The following FAM50B variants were observed in gnomAD, a reference collection of about 807,000 sequenced individuals.
The protein encoded by FAM50B is protein FAM50B.
Under a neutral mutation model 25.4 loss-of-function variants are expected in FAM50B, and 9 were observed. That is an observed-to-expected ratio of 0.35 (90% CI 0.21 to 0.62). The LOEUF (loss-of-function observed/expected upper bound fraction) is 0.62, where lower values mean the gene tolerates loss of function less well. Among genes scored for constraint, FAM50B ranks in the 20% least tolerant of loss-of-function variants. FAM50B has a pLI of 0.73. For synonymous variants in FAM50B, 212 were observed against 204.3 expected, an observed-to-expected ratio of 1.04 and a Z score of -0.32; for missense variants, 372 against 477.9, an observed-to-expected ratio of 0.78 and a Z score of 2.07.
At chr6:3,839,407 T>A in the FAM50B span, among the ~76,000 whole-genome samples, 57,119 of 151,812 alleles carry the variant, frequency 0.38, 10,949 homozygotes, top group East Asian at 0.45. Context: ...TTGGGATCCA[T>A]TGTCAACATG....
At chr6:3,846,746 T>A (rs1475978324), upstream of FAM50B, among the ~76,000 whole-genome samples, 16 of 152,368 alleles carry the variant, frequency 1.1e-4, no homozygotes, top group Non-Finnish European at 2.1e-4. Flanking sequence ...TCAATTTACT[T>A]TGCCCAGATC....
upstream of FAM50B, among the ~76,000 whole-genome samples, chr6:3,845,780 T>C (rs1762113238): frequency 6.6e-6 from 1 of 152,214 alleles, no homozygotes; most frequent in Non-Finnish European, 1.5e-5. Flanking sequence ...AGTGGTGCGA[T>C]CTTGGCTCAC....
At chr6:3,836,643 C>T in the FAM50B span, among the ~76,000 whole-genome samples, 1 of 152,188 alleles carries the variant, frequency 6.6e-6, no homozygotes, top group Non-Finnish European at 1.5e-5. Context: ...CGAACTATTA[C>T]ATCTTAGGAA....
chr6:3,837,524 C>T, the FAM50B span, among the ~76,000 whole-genome samples: 2 of 152,104 alleles, frequency 1.3e-5, no homozygotes, highest in African/African-American at 4.8e-5. Context: ...CAGTGAGATG[C>T]CACTACGTAC....
rs781474180 is a variant in FAM50B, at chr6:3,850,180, A to G, written c.369A>G (p.Ala123=). 3 of 1,613,438 alleles carry G rather than the reference A, an allele frequency of 1.9e-6. No individual in the cohort carries two copies. The highest frequency in any genetic ancestry group is 2.2e-5 in the South Asian group (2 of 91,076). The change falls in exon 2 of 2, where the codon GCA becomes GCG. Residue 123 remains alanine (A), a synonymous_variant. Transcript: ENST00000648326. ...RKRKISCLSF[A]LDDLDDQADA... ...GTAAGATCTCCTGCCTGTCCTTTGC[A>G]CTAGACGACCTCGATGACCAGGCCG...
chr6:3,848,433 T>G (rs1048074513), upstream of FAM50B, among the ~76,000 whole-genome samples: 3 of 152,160 alleles, frequency 2.0e-5, no homozygotes, highest in East Asian at 1.9e-4. Flanking sequence ...GTTTCTGGCT[T>G]GGACAATTTG....
chr6:3,836,032 G>A, the FAM50B span, among the ~76,000 whole-genome samples: 17 of 152,268 alleles, frequency 1.1e-4, no homozygotes, highest in Admixed American at 2.0e-4. Flanking sequence ...AGTGTCAGTA[G>A]TATCACAGTG....
At chr6:3,844,274 C>A in the FAM50B span, among the ~76,000 whole-genome samples, 1 of 152,082 alleles carries the variant, frequency 6.6e-6, no homozygotes, top group Non-Finnish European at 1.5e-5. Context: ...TGTATTTAAT[C>A]GGCATTTCTG....
chr6:3,844,136 GTTCT>G, the FAM50B span, among the ~76,000 whole-genome samples: 2 of 152,190 alleles, frequency 1.3e-5, no homozygotes, highest in Middle Eastern at 3.2e-3. Context: ...TGAAAACTAA[GTTCT>G]TTTTCTCTTG....
In FAM50B at chr6:3,850,228, C is replaced by T. The variant is rs989854826; in HGVS notation, c.417C>T (p.Ala139=). The T allele has an allele frequency of 5.6e-6, 9 of 1,613,272 alleles. No homozygotes were observed. The highest frequency in any genetic ancestry group is 7.6e-6 in the Non-Finnish European group (9 of 1,179,844). Residue 139 remains alanine (A), a synonymous_variant, in exon 2 of 2, where the codon GCC becomes GCT. Coordinates refer to ENST00000648326, the MANE Select transcript of FAM50B (RefSeq NM_012135.3). Reference sequence around the variant, plus strand: ...CCGACGCGGCCGAGGCCAGGCGCGCCGGAAACCTGGGCAAGAACCCCGACG... The same window carrying T: ...CCGACGCGGCCGAGGCCAGGCGCGCTGGAAACCTGGGCAAGAACCCCGACG... ...DQADAAEARR[A]GNLGKNPDVD... is the part of the protein sequence containing the mutation.
chr6:3,843,506 AT>A, the FAM50B span, among the ~76,000 whole-genome samples: 1 of 152,354 alleles, frequency 6.6e-6, no homozygotes, highest in African/African-American at 2.4e-5. Flanking sequence ...ATGGTGCAGC[AT>A]TTATTTTGAA....
chr6:3,837,078 TAACTC>T, the FAM50B span, among the ~76,000 whole-genome samples: 1 of 152,180 alleles, frequency 6.6e-6, no homozygotes, highest in African/African-American at 2.4e-5. Flanking sequence ...ATATAAAAAT[TAACTC>T]AAACTGGACC....
At chr6:3,848,032 A>G (rs1056626659), upstream of FAM50B, among the ~76,000 whole-genome samples, 3 of 152,256 alleles carry the variant, frequency 2.0e-5, no homozygotes, top group African/African-American at 7.2e-5. Flanking sequence ...AACAATTACA[A>G]TAACCTCACA....
the FAM50B span, among the ~76,000 whole-genome samples, chr6:3,838,434 G>A: frequency 1.3e-5 from 2 of 152,180 alleles, no homozygotes; most frequent in Non-Finnish European, 1.5e-5. Context: ...AACTGGCCTG[G>A]CATGGTGGCT....
Position 3,849,880 on chromosome 6 carries a change from G to A in FAM50B, c.69G>A (p.Arg23=). ...TGCACCTCCTCAAGAAGCGCGAAAG[G>A]CAGCGGGAGCAGATGGAGGTGCTGA... ...RAMHLLKKRE[R]QREQMEVLKQ... Residue 23 remains arginine, a synonymous_variant, in exon 2 of 2, where the codon AGG becomes AGA. Coordinates refer to ENST00000648326, the MANE Select transcript of FAM50B (RefSeq NM_012135.3). 1 of 1,613,742 alleles carries A rather than the reference G, an allele frequency of 6.2e-7. No homozygotes were observed. The highest frequency in any genetic ancestry group is 1.1e-5 in the South Asian group (1 of 91,090).
chr6:3,849,059 G>A (rs1762158572), upstream of FAM50B, among the ~76,000 whole-genome samples: 1 of 152,224 alleles, frequency 6.6e-6, no homozygotes, highest in Admixed American at 6.5e-5. Context: ...CATTGCTTCT[G>A]CGTGTTTACA....
the FAM50B span, among the ~76,000 whole-genome samples, chr6:3,832,867 T>C: frequency 2.0e-5 from 3 of 152,124 alleles, no homozygotes; most frequent in African/African-American, 7.2e-5. Flanking sequence ...AATTTTTTTT[T>C]TTTAATCTGA....
At chr6:3,846,223 AG>A (rs1762120632), upstream of FAM50B, among the ~76,000 whole-genome samples, 1 of 152,338 alleles carries the variant, frequency 6.6e-6, no homozygotes, top group African/African-American at 2.4e-5. Context: ...AAGTTAGACA[AG>A]AACAAGAATA....
At chr6:3,845,629 G>A (rs991610272), upstream of FAM50B, among the ~76,000 whole-genome samples, 2 of 152,142 alleles carry the variant, frequency 1.3e-5, no homozygotes, top group East Asian at 3.9e-4. Context: ...GCTTCCTCTT[G>A]GAGATGACAT....
Sources: allele counts gnomAD v4.1 joint callset (sites outside exome capture counted in the v4.1 genomes callset), GRCh38; gene constraint gnomAD v4.1.1; transcripts MANE v1.5; gene names NCBI Gene and HGNC (gene_info 2026-07-23, HGNC 2026-07-21).